Variants in SLC44A1 observed in about 807,000 individuals in gnomAD.
SLC44A1 encodes the protein choline transporter-like protein 1.
A neutral mutation model predicts 79.3 loss-of-function variants in SLC44A1; 26 were observed. The observed-to-expected ratio is 0.33, with a 90% CI of 0.24 to 0.46. The LOEUF (loss-of-function observed/expected upper bound fraction) is 0.46, where lower values mean the gene tolerates loss of function less well. Among genes scored for constraint, SLC44A1 ranks in the 20% least tolerant of loss-of-function variants. The pLI is 1.00. For missense variants in SLC44A1, 688 were observed against 798.1 expected, an observed-to-expected ratio of 0.86 and a Z score of 1.66; for synonymous variants, 263 against 286.2, an observed-to-expected ratio of 0.92 and a Z score of 0.82.
chr9:105,361,235 T>C lies in SLC44A1; in HGVS notation c.805T>C (p.Ser269Pro). ...LWWLYAKQRRSPKETVTPEQL... is the reference protein window; with the variant it reads ...LWWLYAKQRRPPKETVTPEQL... The stretch of plus-strand genomic sequence containing the variant: ...GTGGCTGTATGCAAAGCAAAGAAGG[T>C]CTCCCAAAGAAACTGTTACTCCTGA... The change falls in exon 8 of 16, where the codon TCT becomes CCT. Residue 269 changes from serine (S) to proline (P), a missense_variant. By Grantham distance (74) the Ser-to-Pro change is moderately conservative (BLOSUM62 -1). Transcript: ENST00000374720. 1 of 1,614,026 alleles carries C rather than the reference T, an allele frequency of 6.2e-7. No homozygotes were observed. The highest frequency in any genetic ancestry group is 2.2e-5 in the East Asian group (1 of 44,880).
At chr9:105,252,879 T>C (rs970059815) in intron 1 of SLC44A1, among the ~76,000 whole-genome samples, 31 of 152,250 alleles carry the variant, frequency 2.0e-4, no homozygotes, top group Non-Finnish European at 2.2e-4. Context: ...ATTTTGAATT[T>C]ATGCATTGTG....
In SLC44A1 at chr9:105,389,346, T is replaced by A. The variant is rs1253423078; in HGVS notation, c.*290T>A. 2.6e-5 allele frequency: 29 copies of A among 1,125,986 alleles called. No individual in the cohort carries two copies. Among genetic ancestry groups the A allele is most frequent in the Non-Finnish European group, 3.1e-5 (29 of 921,016 alleles). The allele number at this position is 1,125,986 out of a possible 1,614,324, so 69.7% of individuals were successfully genotyped here. A position where few individuals can be genotyped will look rare whatever the true frequency, so the allele number is the denominator to read the frequency against. On this transcript the variant is annotated 3_prime_UTR_variant, in exon 16 of 16. Transcript: ENST00000374720. ...ACTGTAATTGTCTTAATGGAAATGT[T>A]AAAATTCATATCTGATTAACATTTT...
intron 12 of SLC44A1, among the ~76,000 whole-genome samples, chr9:105,372,867 G>A (rs977775791): frequency 6.8e-6 from 1 of 147,870 alleles, no homozygotes; most frequent in African/African-American, 2.5e-5. Flanking sequence ...GGAGAATGGC[G>A]TGAACCCGGG....
intron 15 of SLC44A1, among the ~76,000 whole-genome samples, chr9:105,419,640 C>G (rs927762079): frequency 2.6e-5 from 4 of 152,110 alleles, no homozygotes; most frequent in African/African-American, 9.7e-5. Flanking sequence ...TCTAGCTGGG[C>G]GCGGTGGCCC....
intron 12 of SLC44A1, among the ~76,000 whole-genome samples, chr9:105,366,957 AACTGCTAAAC>A (rs951452899): frequency 9.3e-5 from 14 of 150,794 alleles, no homozygotes; most frequent in African/African-American, 3.2e-4. Flanking sequence ...TTTTTGACCC[AACTGCTAAAC>A]ACTATGATAT....
chr9:105,273,002 T>A (rs1354213883), intron 1 of SLC44A1, among the ~76,000 whole-genome samples: 1 of 151,878 alleles, frequency 6.6e-6, no homozygotes, highest in African/African-American at 2.4e-5. Flanking sequence ...ATTTTTTTTT[T>A]CTTCCTTGAG....
chr9:105,437,352 G>A (rs1328755345), intron 15 of SLC44A1, among the ~76,000 whole-genome samples: 1 of 151,790 alleles, frequency 6.6e-6, no homozygotes, highest in Non-Finnish European at 1.5e-5. Flanking sequence ...TCTAGATCTA[G>A]ATATAGATGT....
chr9:105,276,937 G>C (rs1366444369), intron 1 of SLC44A1, among the ~76,000 whole-genome samples: 1 of 152,220 alleles, frequency 6.6e-6, no homozygotes, highest in Non-Finnish European at 1.5e-5. Flanking sequence ...AATAAGATCT[G>C]GCTTTCCAAT....
intron 15 of SLC44A1, among the ~76,000 whole-genome samples, chr9:105,427,213 G>A (rs1426659198): frequency 2.0e-5 from 3 of 152,106 alleles, no homozygotes; most frequent in East Asian, 1.9e-4. Flanking sequence ...GATTAAAGGC[G>A]TGAGCCACTG....
At chr9:105,418,201 C>A (rs993989433) in intron 15 of SLC44A1, among the ~76,000 whole-genome samples, 1 of 151,338 alleles carries the variant, frequency 6.6e-6, no homozygotes. Flanking sequence ...GTAATCCCAG[C>A]TACTCTGGAG....
At chr9:105,303,631 T>TA (rs1195555076) in intron 2 of SLC44A1, among the ~76,000 whole-genome samples, 1 of 152,146 alleles carries the variant, frequency 6.6e-6, no homozygotes, top group African/African-American at 2.4e-5. Flanking sequence ...AACAGAGGCA[T>TA]AGAGATAAGC....
chr9:105,396,079 A>AT lies in SLC44A1; in HGVS notation c.*7027dup. The AT allele has an allele frequency of 1.0e-6, 1 of 985,052 alleles. No individual in the cohort carries two copies. Among genetic ancestry groups the AT allele is most frequent in the Non-Finnish European group, 1.2e-6 (1 of 829,868 alleles). The allele number at this position is 985,052 out of a possible 1,614,324, so 61.0% of individuals were successfully genotyped here. A position where few individuals can be genotyped will look rare whatever the true frequency, so the allele number is the denominator to read the frequency against. On this transcript the variant is annotated 3_prime_UTR_variant, in exon 16 of 16. Transcript: ENST00000374720. ...GCCCCTATTGTTTTTGCCTATTTTG[A>AT]TTTTCAGAGATGATCACATGGGGAC...
intron 1 of SLC44A1, among the ~76,000 whole-genome samples, chr9:105,246,165 A>G (rs1462889433): frequency 6.6e-6 from 1 of 152,150 alleles, no homozygotes. Flanking sequence ...TTTGGGGGGA[A>G]AAAATTCCTC....
chr9:105,333,855 G>A (rs567068070), intron 3 of SLC44A1, among the ~76,000 whole-genome samples: 2 of 152,146 alleles, frequency 1.3e-5, no homozygotes, highest in African/African-American at 4.8e-5. Context: ...TGGTGGTGAT[G>A]GCAATGGTAG....
At chr9:105,301,650 T>A (rs986316541) in intron 2 of SLC44A1, among the ~76,000 whole-genome samples, 2 of 152,238 alleles carry the variant, frequency 1.3e-5, no homozygotes, top group African/African-American at 4.8e-5. Flanking sequence ...CTCAACACTT[T>A]AGTACGTGTA....
At chr9:105,334,707 A>G (rs1826857748) in intron 3 of SLC44A1, among the ~76,000 whole-genome samples, 1 of 152,184 alleles carries the variant, frequency 6.6e-6, no homozygotes, top group Admixed American at 6.5e-5. Context: ...CTTTGAGCAA[A>G]TGTTAGCATC....
At chr9:105,245,000 C>G in intron 1 of SLC44A1, 96 bp downstream of exon 1, 4 of 487,026 alleles carry the variant, frequency 8.2e-6, no homozygotes, top group Non-Finnish European at 1.2e-5. Flanking sequence ...TCGCTGTCCC[C>G]AGCCTCCCCT....
chr9:105,432,270 T>C lies in SLC44A1; in HGVS notation c.1951-6011T>C, dbSNP rs73514055. 7.0e-3 allele frequency among the ~76,000 whole-genome samples: 1,069 copies of C among 152,322 alleles called. 10 individuals carry two copies. Among genetic ancestry groups the C allele is most frequent in the African/African-American group, 0.025 (1,019 of 41,566 alleles). The stretch of plus-strand genomic sequence containing the variant: ...AAAAACAGTTGAATGGTGGCTCTTA[T>C]TTTTGAAAAGTTGATTTATAGCCCT... On this transcript the variant is annotated intron_variant, in intron 15 of 15. Transcript: ENST00000374724.
chr9:105,298,462 C>T (rs1192797423), intron 1 of SLC44A1, among the ~76,000 whole-genome samples: 1 of 152,200 alleles, frequency 6.6e-6, no homozygotes, highest in Non-Finnish European at 1.5e-5. Flanking sequence ...AAGCGGTTCT[C>T]CTGCCTCAGC....
Sources: allele counts gnomAD v4.1 joint callset (sites outside exome capture counted in the v4.1 genomes callset), GRCh38; gene constraint gnomAD v4.1.1; transcripts MANE v1.5; gene names NCBI Gene and HGNC (gene_info 2026-07-23, HGNC 2026-07-21).